The following PCDHGA1 variants were observed in gnomAD, a reference collection of about 807,000 sequenced individuals.
PCDHGA1 encodes protocadherin gamma-A1.
PCDHGA1 carries 32 observed loss-of-function variants against 58.0 expected under a neutral mutation model. The ratio of observed to expected loss-of-function variants is 0.55; its 90% CI spans 0.42 to 0.74. The LOEUF is 0.74. Among genes scored for constraint, PCDHGA1 ranks in the 30% least tolerant of loss-of-function variants. The pLI, the probability that PCDHGA1 is intolerant of heterozygous loss-of-function variation, is 0.00. For missense variants in PCDHGA1, 1,205 were observed against 1,182.3 expected, an observed-to-expected ratio of 1.02 and a Z score of -0.28; for synonymous variants, 498 against 501.1, an observed-to-expected ratio of 0.99 and a Z score of 0.08.
chr5:141,374,339 A>C, intron 1 of PCDHGA1: 1 of 1,614,006 alleles, frequency 6.2e-7, no homozygotes, highest in Non-Finnish European at 8.5e-7. Context: ...CAGCTTGGTC[A>C]CCGCGGGTAG....
chr5:141,463,548 A>C (rs2099063677), intron 1 of PCDHGA1, among the ~76,000 whole-genome samples: 1 of 140,798 alleles, frequency 7.1e-6, no homozygotes, highest in Non-Finnish European at 1.5e-5. Context: ...TCCCGGGTTC[A>C]TGCCATTCTC....
chr5:141,331,707 T>G lies in PCDHGA1; in HGVS notation c.1023T>G (p.Asn341Lys). Residue 341 changes from asparagine (N) to lysine (K), a missense_variant, in exon 1 of 4, where the codon AAT becomes AAG. By Grantham distance (94) the Asn-to-Lys change is moderately conservative. Transcript: ENST00000517417. ...TACTGATCAAAGTTTTGGATGTAAA[T>G]GATAATGCCCCAGAAGTGACCATCA... is the stretch of plus-strand genomic sequence containing the variant. ...VKVLIKVLDV[N>K]DNAPEVTITS... 1 of 1,614,046 alleles carries G rather than the reference T, an allele frequency of 6.2e-7. No homozygotes were observed. Among genetic ancestry groups the G allele is most frequent in the Non-Finnish European group, 8.5e-7 (1 of 1,180,022 alleles).
At position 141,339,481 on chromosome 5, in the gene PCDHGA1, C is replaced by T. The variant is rs758777586; in HGVS notation, c.2421+6376C>T. On this transcript the variant is annotated intron_variant, in intron 1 of 3. Coordinates refer to ENST00000517417, the MANE Select transcript of PCDHGA1 (RefSeq NM_018912.3). ...TAGGTGAGAACGCCCTTCAGAAGTA[C>T]GCACTCAACCCAAATGACCACTTCT... 4 of 1,614,162 alleles carry T rather than the reference C, an allele frequency of 2.5e-6. No individual in the cohort carries two copies. The East Asian group carries it at 8.9e-5, about 36-fold the overall frequency.
intron 1 of PCDHGA1, chr5:141,402,972 G>C: frequency 6.2e-7 from 1 of 1,608,318 alleles, no homozygotes; most frequent in Non-Finnish European, 8.5e-7. Flanking sequence ...CCAACCAAAT[G>C]CCAGCTCCGC....
chr5:141,441,327 C>T (rs973149197), intron 1 of PCDHGA1: 2 of 152,196 alleles, frequency 1.3e-5, no homozygotes, highest in Admixed American at 6.5e-5. Flanking sequence ...AAAAATCTTC[C>T]TCCAATAATT....
chr5:141,432,560 A>C lies in PCDHGA1; in HGVS notation c.2422-62247A>C. The C allele has an allele frequency of 2.5e-6, 4 of 1,613,600 alleles. No individual in the cohort carries two copies. Among genetic ancestry groups the C allele is most frequent in the Non-Finnish European group, 3.4e-6 (4 of 1,179,962 alleles). ...GGCGGTGGACAGAGACTCCGGCCAG[A>C]ACGCCTGGCTGTCCTACCGTCTGCT... On this transcript the variant is annotated intron_variant, in intron 1 of 3. Transcript: ENST00000517417. The surrounding 1 kb of genome is among the most constrained non-coding windows in gnomAD (Gnocchi z 6.0).
chr5:141,472,850 G>A (rs1230517294), intron 1 of PCDHGA1, among the ~76,000 whole-genome samples: 1 of 151,876 alleles, frequency 6.6e-6, no homozygotes, highest in Admixed American at 6.6e-5. Flanking sequence ...GCTGGGCATG[G>A]TGGCACATGC....
intron 1 of PCDHGA1, chr5:141,427,797 G>T: frequency 6.6e-7 from 1 of 1,505,306 alleles, no homozygotes; most frequent in Non-Finnish European, 9.1e-7. Flanking sequence ...CTACGTGTCC[G>T]TGAGCGCACA....
At chr5:141,427,693 C>G in intron 1 of PCDHGA1, 1 of 909,726 alleles carries the variant, frequency 1.1e-6, no homozygotes, top group Non-Finnish European at 1.8e-6. Flanking sequence ...GCCTCCATCC[C>G]ACAAGTCAGC....
At chr5:141,429,196 A>T (rs2097195436) in intron 1 of PCDHGA1, 2 of 151,994 alleles carry the variant, frequency 1.3e-5, no homozygotes, top group African/African-American at 4.8e-5. Context: ...ACACACACAC[A>T]CACACACACG....
intron 1 of PCDHGA1, chr5:141,346,398 G>T: frequency 6.2e-7 from 1 of 1,614,242 alleles, no homozygotes; most frequent in Non-Finnish European, 8.5e-7. Flanking sequence ...TGAGAAAAGC[G>T]AGCCTCTTCT....
intron 1 of PCDHGA1, chr5:141,372,223 A>G: frequency 6.2e-7 from 1 of 1,613,464 alleles, no homozygotes; most frequent in Non-Finnish European, 8.5e-7. Context: ...CACATTGTGC[A>G]GGCCAGCGAG....
At chr5:141,413,034 G>C in intron 1 of PCDHGA1, 1 of 783,270 alleles carries the variant, frequency 1.3e-6, no homozygotes, top group East Asian at 2.8e-5. Context: ...CAAACCGGCT[G>C]CTGGGCTGCA....
chr5:141,472,878 C>G (rs774209715), intron 1 of PCDHGA1, among the ~76,000 whole-genome samples: 1 of 146,132 alleles, frequency 6.8e-6, no homozygotes, highest in East Asian at 2.1e-4. Context: ...CCCAGCTACT[C>G]GGGAGGCTGA....
intron 1 of PCDHGA1, chr5:141,389,866 T>C: frequency 6.2e-7 from 1 of 1,614,082 alleles, no homozygotes; most frequent in South Asian, 1.1e-5. Context: ...TTGCACCTGG[T>C]CTTCGCCGAC....
Position 141,331,609 on chromosome 5 carries a change from T to C in PCDHGA1, c.925T>C (p.Phe309Leu). 6.2e-7 allele frequency: 1 copy of C among 1,613,982 alleles called. No individual in the cohort carries two copies. Residue 309 changes from phenylalanine to leucine, a missense_variant, in exon 1 of 4, where the codon TTC (phenylalanine) becomes CTC (leucine). Transcript: ENST00000517417. ...GEISNKEPLD[F>L]EEYKMYSMEV... ...AATATCAAATAAAGAACCACTAGAT[T>C]TCGAAGAATACAAAATGTATTCAAT...
intron 1 of PCDHGA1, chr5:141,333,908 T>G (rs1756492513): frequency 6.6e-6 from 1 of 152,162 alleles, no homozygotes; most frequent in Non-Finnish European, 1.5e-5. Flanking sequence ...AACACAAAAT[T>G]TATCATGCAA....
intron 1 of PCDHGA1, among the ~76,000 whole-genome samples, chr5:141,451,985 A>G (rs1460304088): frequency 6.6e-6 from 1 of 152,202 alleles, no homozygotes; most frequent in Non-Finnish European, 1.5e-5. Context: ...TAGTTTGTTC[A>G]TTAGAAGCAA....
chr5:141,360,714 G>A (rs1761713863), intron 1 of PCDHGA1: 1 of 1,613,956 alleles, frequency 6.2e-7, no homozygotes, highest in Non-Finnish European at 8.5e-7. Flanking sequence ...AATATCCTGA[G>A]TTGATTCTAA....
Sources: allele counts gnomAD v4.1 joint callset (sites outside exome capture counted in the v4.1 genomes callset), GRCh38; gene constraint gnomAD v4.1.1; non-coding constraint Gnocchi (gnomAD v3.1); transcripts MANE v1.5; gene names NCBI Gene and HGNC (gene_info 2026-07-23, HGNC 2026-07-21).